Variants in MINDY4B observed in about 807,000 individuals in gnomAD.
MINDY4B encodes the protein inactive ubiquitin carboxyl-terminal hydrolase MINDY-4B.
Under a neutral mutation model 16.7 loss-of-function variants are expected in MINDY4B, and 25 were observed. The observed-to-expected ratio is 1.49, with a 90% CI of 1.09 to 2.09. The LOEUF (loss-of-function observed/expected upper bound fraction) is 2.09. MINDY4B is among the 30% of genes most tolerant of loss of function. The pLI is 0.00. For missense variants in MINDY4B, 327 were observed against 168.4 expected (o/e 1.94, Z -5.21); for synonymous variants, 132 against 61.9 (o/e 2.13, Z -5.32).
At chr3:150,880,061 ACATC>A in intron 10 of MINDY4B, among the ~76,000 whole-genome samples, 1 of 152,382 alleles carries the variant, frequency 6.6e-6, no homozygotes, top group East Asian at 1.9e-4. Flanking sequence ...ATGAGCTTCA[ACATC>A]CATGATTTCC....
intron 7 of MINDY4B, among the ~76,000 whole-genome samples, chr3:150,886,795 C>G (rs547930729): frequency 6.6e-6 from 1 of 152,126 alleles, no homozygotes; most frequent in Admixed American, 6.6e-5. Context: ...TTATAAAGAC[C>G]CTTTTGATTA....
chr3:150,900,358 C>T (rs1364354578), intron 3 of MINDY4B, among the ~76,000 whole-genome samples: 7 of 152,186 alleles, frequency 4.6e-5, no homozygotes, highest in Non-Finnish European at 1.0e-4. Flanking sequence ...GCCATGCATC[C>T]GTAATCCAAA....
intron 10 of MINDY4B, among the ~76,000 whole-genome samples, chr3:150,879,154 ACTCT>A (rs1711501987): frequency 6.6e-6 from 1 of 151,964 alleles, no homozygotes; most frequent in Non-Finnish European, 1.5e-5. Context: ...AAGAAGATAT[ACTCT>A]TTCTTGTAAG....
chr3:150,892,666 C>T (rs950389869), intron 5 of MINDY4B, among the ~76,000 whole-genome samples: 2 of 151,846 alleles, frequency 1.3e-5, no homozygotes, highest in Admixed American at 6.6e-5. Context: ...GAGGATTGGC[C>T]GGGTGCAGTG....
intron 10 of MINDY4B, among the ~76,000 whole-genome samples, chr3:150,875,678 C>T (rs1395467444): frequency 2.0e-5 from 3 of 152,064 alleles, no homozygotes; most frequent in Non-Finnish European, 4.4e-5. Flanking sequence ...AAAATGCAAC[C>T]ACCTTCAACC....
At chr3:150,887,969 G>T (rs555074955) in intron 7 of MINDY4B, among the ~76,000 whole-genome samples, 2 of 151,924 alleles carry the variant, frequency 1.3e-5, no homozygotes, top group Non-Finnish European at 2.9e-5. Flanking sequence ...TTAGCCAGGC[G>T]TGGTGGCGGG....
intron 10 of MINDY4B, among the ~76,000 whole-genome samples, chr3:150,881,924 A>G (rs1210395554): frequency 1.3e-5 from 2 of 152,234 alleles, no homozygotes; most frequent in African/African-American, 2.4e-5. Flanking sequence ...AGCTGGAGAC[A>G]ATAGTAGAGG....
chr3:150,884,822 C>G (rs939346784), intron 8 of MINDY4B, among the ~76,000 whole-genome samples: 1 of 152,172 alleles, frequency 6.6e-6, no homozygotes, highest in African/African-American at 2.4e-5. Context: ...GAGGCCCCTT[C>G]CTCCTCTGGA....
At chr3:150,879,591 C>T (rs910629768) in intron 10 of MINDY4B, among the ~76,000 whole-genome samples, 8 of 152,274 alleles carry the variant, frequency 5.3e-5, no homozygotes, top group African/African-American at 7.2e-5. Context: ...GTGTTGGCTA[C>T]GTAATTTGTG....
At chr3:150,904,802 A>G (rs894983221) in intron 2 of MINDY4B, among the ~76,000 whole-genome samples, 1 of 152,248 alleles carries the variant, frequency 6.6e-6, no homozygotes, top group Non-Finnish European at 1.5e-5. Flanking sequence ...TTCGATTTTA[A>G]TATTACCTTT....
rs1712214998 is a variant in MINDY4B, at chr3:150,905,352, A to G, written c.88T>C (p.Trp30Arg). Reference protein sequence around the residue: ...ISRKISFLDKWREIFSYHRLG... With the variant: ...ISRKISFLDKRREIFSYHRLG... ...CTGTGATAACTAAAGATTTCCCTCC[A>G]TTTGTCAAGGAATGAAATTTTCCTT... The change falls in exon 1 of 12, where the codon TGG (tryptophan) becomes CGG (arginine). Residue 30 changes from tryptophan (W) to arginine (R), a missense_variant. Physicochemically the swap from Trp to Arg is moderately radical, Grantham distance 101. Transcript: ENST00000465419. 1.3e-5 allele frequency: 5 copies of G among 398,536 alleles called. No homozygotes were observed. The highest frequency in any genetic ancestry group is 1.8e-5 in the Non-Finnish European group (4 of 225,978). 24.7% of individuals were successfully genotyped at this position (398,536 alleles called of 1,614,324 possible).
intron 10 of MINDY4B, among the ~76,000 whole-genome samples, chr3:150,881,836 CTA>C (rs1711526347): frequency 1.3e-5 from 2 of 152,148 alleles, no homozygotes; most frequent in African/African-American, 4.8e-5. Flanking sequence ...GCCAATTCTG[CTA>C]TAGTCAGACA....
chr3:150,874,383 A>G (rs972671742), intron 10 of MINDY4B, among the ~76,000 whole-genome samples: 4 of 152,328 alleles, frequency 2.6e-5, no homozygotes, highest in Middle Eastern at 3.4e-3. Context: ...GATGTAGTAA[A>G]AGGGCAGTGG....
Position 150,890,402 on chromosome 3 carries a change from GA to G in MINDY4B, c.688-18del. 1 of 614,686 alleles carries G rather than the reference GA, an allele frequency of 1.6e-6. No homozygotes were observed. The highest frequency in any genetic ancestry group is 2.9e-6 in the Non-Finnish European group (1 of 350,280). 38.1% of individuals were successfully genotyped at this position (614,686 alleles called of 1,614,324 possible). ...CAGCTGGAGCTATAAATCAGGAACA[GA>G]AGATAAAAATGAAAAGGAAGATGAA... On this transcript the variant is annotated intron_variant, in intron 6 of 11. Coordinates refer to ENST00000465419, the MANE Select transcript of MINDY4B (RefSeq NM_001351281.2).
At position 150,875,294 on chromosome 3, in the gene MINDY4B, G is replaced by A. The variant is rs1211691863; in HGVS notation, c.1060-1927C>T. 2.0e-5 allele frequency among the ~76,000 whole-genome samples: 3 copies of A among 152,146 alleles called. No homozygotes were observed. The East Asian group carries it at 5.8e-4, about 29-fold the overall frequency. On this transcript the variant is annotated intron_variant, in intron 10 of 11. Coordinates refer to ENST00000465419, the MANE Select transcript of MINDY4B (RefSeq NM_001351281.2). The stretch of plus-strand genomic sequence containing the variant: ...GCACCCTTCTGTATTAAGATGATAT[G>A]TAATCAAAATATGTTATACAGGAAG...
chr3:150,891,176 T>C, intron 5 of MINDY4B, 73 bp from the exon 6 acceptor site: 1 of 660,450 alleles, frequency 1.5e-6, no homozygotes, highest in East Asian at 2.7e-5. Context: ...GGAAGTAATT[T>C]GCTCCTGGTC....
chr3:150,889,297 C>T (rs970232601), intron 7 of MINDY4B, among the ~76,000 whole-genome samples: 4 of 152,230 alleles, frequency 2.6e-5, no homozygotes, highest in African/African-American at 9.7e-5. Flanking sequence ...TTCTAAAGGC[C>T]CTGCCCACAT....
At chr3:150,871,681 T>C (rs1716975225) in intron 11 of MINDY4B, among the ~76,000 whole-genome samples, 1 of 152,126 alleles carries the variant, frequency 6.6e-6, no homozygotes, top group Admixed American at 6.5e-5. Context: ...AAACCCTGTC[T>C]CTACTAAAAA....
intron 6 of MINDY4B, 118 bp from the exon 7 acceptor site, chr3:150,890,503 C>T: frequency 6.2e-6 from 3 of 487,624 alleles, no homozygotes; most frequent in Non-Finnish European, 1.1e-5. Flanking sequence ...AATCACATTA[C>T]TAAAAACTGA....
Sources: gnomAD v4.1 joint callset for allele counts (sites outside exome capture counted in the v4.1 genomes callset) on GRCh38, gnomAD v4.1.1 for gene constraint, MANE v1.5 for transcripts, NCBI Gene and HGNC (gene_info 2026-07-23, HGNC 2026-07-21) for gene names.